The following GAS7 variants were observed in gnomAD, a reference collection of about 807,000 sequenced individuals.
The protein encoded by GAS7 is growth arrest-specific protein 7.
Under a neutral mutation model 71.1 loss-of-function variants are expected in GAS7, and 28 were observed. The ratio of observed to expected loss-of-function variants is 0.39; its 90% CI spans 0.29 to 0.54. GAS7 has a LOEUF of 0.54. Ranked by LOEUF, GAS7 falls within the 20% of genes least tolerant of loss-of-function variation. The pLI is 0.62. For synonymous variants in GAS7, 258 were observed against 245.8 expected (o/e 1.05, Z -0.46); for missense variants, 436 against 627.8 (o/e 0.69, Z 3.27).
intron 1 of GAS7, among the ~76,000 whole-genome samples, chr17:10,145,080 G>T (rs2074111450): frequency 6.6e-6 from 1 of 152,198 alleles, no homozygotes; most frequent in Non-Finnish European, 1.5e-5. Flanking sequence ...AATGGCTGCT[G>T]CCCCCAGGCA....
At chr17:10,088,704 G>A (rs1321970491) in intron 1 of GAS7, among the ~76,000 whole-genome samples, 1 of 152,118 alleles carries the variant, frequency 6.6e-6, no homozygotes, top group Non-Finnish European at 1.5e-5. Flanking sequence ...TTCTGGAGCG[G>A]TTGCTTCCCA....
At chr17:10,053,968 G>C (rs957687137) in intron 1 of GAS7, among the ~76,000 whole-genome samples, 1 of 152,116 alleles carries the variant, frequency 6.6e-6, no homozygotes, top group South Asian at 2.1e-4. Flanking sequence ...CGTAGGTTTG[G>C]GTACCATCCA....
intron 1 of GAS7, among the ~76,000 whole-genome samples, chr17:10,175,950 T>G (rs1442834296): frequency 3.3e-5 from 5 of 152,198 alleles, no homozygotes; most frequent in Non-Finnish European, 7.3e-5. Context: ...GACTGTCCCC[T>G]GGGGCCCCTC....
intron 2 of GAS7, among the ~76,000 whole-genome samples, chr17:10,010,292 A>T (rs2071717439): frequency 6.6e-6 from 1 of 151,922 alleles, no homozygotes; most frequent in Admixed American, 6.6e-5. Flanking sequence ...TGGGACTTAC[A>T]GGCACCCGCC....
At chr17:9,958,046 T>C (rs1191082426) in intron 5 of GAS7, among the ~76,000 whole-genome samples, 3 of 152,168 alleles carry the variant, frequency 2.0e-5, no homozygotes, top group Non-Finnish European at 4.4e-5. Flanking sequence ...CTAAGTGCTT[T>C]CCATGGATGG....
At chr17:10,129,209 G>T (rs2073977215) in intron 1 of GAS7, among the ~76,000 whole-genome samples, 1 of 152,248 alleles carries the variant, frequency 6.6e-6, no homozygotes, top group South Asian at 2.1e-4. Context: ...AACTCAAAAT[G>T]GATCAAAAGA....
At chr17:9,975,298 T>C (rs904810341) in intron 3 of GAS7, among the ~76,000 whole-genome samples, 1 of 152,134 alleles carries the variant, frequency 6.6e-6, no homozygotes, top group Non-Finnish European at 1.5e-5. Flanking sequence ...GAGGCTGCAG[T>C]GAGCCAAGAT....
At chr17:9,925,887 T>G (rs1423955232) in intron 10 of GAS7, among the ~76,000 whole-genome samples, 1 of 152,146 alleles carries the variant, frequency 6.6e-6, no homozygotes. Context: ...ACTGGGGACC[T>G]AGGCAGTCCT....
At chr17:10,134,247 G>A (rs955087733) in intron 1 of GAS7, among the ~76,000 whole-genome samples, 1 of 151,988 alleles carries the variant, frequency 6.6e-6, no homozygotes, top group African/African-American at 2.4e-5. Context: ...TGGCCAGGAT[G>A]GTCTCGATCT....
In GAS7 at chr17:9,984,603, C is replaced by T. The variant is rs544906513; in HGVS notation, c.305-2719G>A. Among the ~76,000 whole-genome samples, 15 of 152,304 alleles carry T rather than the reference C, an allele frequency of 9.8e-5. No homozygotes were observed. In the South Asian group the frequency reaches 1.9e-3, roughly 19 times the overall value. On this transcript the variant is annotated intron_variant, in intron 2 of 13. Coordinates refer to ENST00000432992, the MANE Select transcript of GAS7 (RefSeq NM_201433.2). ...AGAACTTACTTCAAAGACCACTGCC[C>T]TGCTTAGGGCCCACGTCATAAGCCA... is the stretch of plus-strand genomic sequence containing the variant.
In GAS7 at chr17:9,990,373, C is replaced by T. The variant is rs542343822; in HGVS notation, c.305-8489G>A. Among the ~76,000 whole-genome samples, 9 of 152,308 alleles carry T rather than the reference C, an allele frequency of 5.9e-5. No homozygotes were observed. In the South Asian group the frequency reaches 1.7e-3, roughly 28 times the overall value. ...ATATGGCTGCTGACTTCGCCCAGAG[C>T]GAGCGAGCCAGGGGAAAGCAAGGCA... On this transcript the variant is annotated intron_variant, in intron 2 of 13. Transcript: ENST00000432992.
intron 2 of GAS7, among the ~76,000 whole-genome samples, chr17:10,012,919 T>G (rs1046757542): frequency 6.6e-6 from 1 of 151,294 alleles, no homozygotes; most frequent in Non-Finnish European, 1.5e-5. Context: ...TGGCTAACAC[T>G]GTGAAACCCC....
chr17:9,919,164 C>T lies in GAS7; in HGVS notation c.1218+462G>A, dbSNP rs979851916. Among the ~76,000 whole-genome samples, 11 of 124,202 alleles carry T rather than the reference C, an allele frequency of 8.9e-5. No homozygotes were observed. The highest frequency in any genetic ancestry group is 2.4e-4 in the African/African-American group (9 of 38,204). The allele number at this position is 124,202 out of a possible 152,430, so 81.5% of individuals were successfully genotyped here. A position where few individuals can be genotyped will look rare whatever the true frequency, so the allele number is the denominator to read the frequency against. ...ATCATCGGCCCTGCCGCCTGTTGTT[C>T]ACCCTTGGTGAGAGGCCTCCCCCAC... On this transcript the variant is annotated intron_variant, in intron 12 of 13. Transcript: ENST00000432992. This position sits in a 1 kb window ranked among gnomAD's most constrained non-coding sequence, Gnocchi z 5.0.
intron 9 of GAS7, among the ~76,000 whole-genome samples, chr17:9,933,016 C>T (rs572804963): frequency 1.3e-5 from 2 of 151,952 alleles, no homozygotes; most frequent in East Asian, 3.9e-4. Flanking sequence ...ACTAAAAATA[C>T]AAAAAATTAG....
At chr17:10,148,618 A>G (rs1473548896) in intron 1 of GAS7, among the ~76,000 whole-genome samples, 23 of 147,454 alleles carry the variant, frequency 1.6e-4, no homozygotes, top group Admixed American at 1.3e-3. Flanking sequence ...ACTCAAGAAA[A>G]AAAAAAAAAA....
intron 11 of GAS7, among the ~76,000 whole-genome samples, chr17:9,922,433 T>C (rs1261800726): frequency 6.6e-6 from 1 of 152,224 alleles, no homozygotes; most frequent in Non-Finnish European, 1.5e-5. Context: ...AAGGTTCTCA[T>C]TTTCTCTGCC....
At chr17:9,985,274 G>C (rs1040333908) in intron 2 of GAS7, among the ~76,000 whole-genome samples, 1 of 152,140 alleles carries the variant, frequency 6.6e-6, no homozygotes, top group South Asian at 2.1e-4. Flanking sequence ...GAAAATCCCT[G>C]GCTAGCTCCT....
intron 1 of GAS7, among the ~76,000 whole-genome samples, chr17:10,035,885 G>A (rs2072736556): frequency 6.6e-6 from 1 of 152,186 alleles, no homozygotes; most frequent in African/African-American, 2.4e-5. Flanking sequence ...CTGCTAGGGA[G>A]CCATGACCCC....
chr17:9,920,387 C>T (rs1186417887), intron 11 of GAS7, among the ~76,000 whole-genome samples: 5 of 152,138 alleles, frequency 3.3e-5, no homozygotes, highest in African/African-American at 4.8e-5. Context: ...CAGAAAGATC[C>T]GAGGCAAACA....
Sources: allele counts gnomAD v4.1 joint callset (sites outside exome capture counted in the v4.1 genomes callset), GRCh38; gene constraint gnomAD v4.1.1; non-coding constraint Gnocchi (gnomAD v3.1); transcripts MANE v1.5; gene names NCBI Gene and HGNC (gene_info 2026-07-23, HGNC 2026-07-21).